FRMD7: variants seen among roughly 807,000 people sequenced by gnomAD.
FRMD7 encodes the protein FERM domain containing 7.
Under a neutral mutation model 44.1 loss-of-function variants are expected in FRMD7, and 14 were observed. The ratio of observed to expected loss-of-function variants is 0.32; its 90% CI spans 0.21 to 0.50. The LOEUF (loss-of-function observed/expected upper bound fraction) is 0.50, where lower values mean the gene tolerates loss of function less well. Ranked by LOEUF, FRMD7 falls within the 20% of genes least tolerant of loss-of-function variation. The pLI is 0.99. For missense variants in FRMD7, 501 were observed against 522.3 expected (o/e 0.96, Z 0.40); for synonymous variants, 212 against 187.4 (o/e 1.13, Z -1.07).
At position 132,080,991 on chromosome X, in the gene FRMD7, T is replaced by C. The variant is rs189052912; in HGVS notation, c.906-725A>G. On this transcript the variant is annotated intron_variant, in intron 9 of 11. Transcript: ENST00000298542. ...AGGATTGTTCTAGTTAGGCATACAC[T>C]AACAAAGAAAGTCAGATCACAGCCG... 6.1e-3 allele frequency among the ~76,000 whole-genome samples: 667 copies of C among 108,768 alleles called. 5 individuals are homozygous for C. The highest frequency in any genetic ancestry group is 0.021 in the African/African-American group (629 of 29,652). The allele number at this position is 108,768 out of a possible 115,157, so 94.5% of individuals were successfully genotyped here.
intron 11 of FRMD7, among the ~76,000 whole-genome samples, chrX:132,079,788 TTCTCTCCAG>T (rs1927747668): frequency 8.9e-6 from 1 of 111,905 alleles, no homozygotes; most frequent in African/African-American, 3.3e-5. Context: ...GATGTGCCAG[TTCTCTCCAG>T]TCTATAAGGT....
chrX:132,100,531 A>G, intron 2 of FRMD7, 81 bp downstream of exon 2: 2 of 654,887 alleles, frequency 3.1e-6, no homozygotes, highest in South Asian at 2.2e-5. Context: ...CAATCAGGGA[A>G]TTGAACCCTA....
At position 132,080,017 on chromosome X, in the gene FRMD7, C is replaced by T; in HGVS notation, c.1039G>A (p.Val347Met). 1 of 1,182,430 alleles carries T rather than the reference C, an allele frequency of 8.5e-7. No homozygotes were observed. The highest frequency in any genetic ancestry group is 1.8e-5 in the South Asian group (1 of 56,310). ...TTCAGAAACCTTACTTGTTTTGACACATCAGAGAGGAGGTCTGGTGAGGAC... is the reference window on the plus strand; with the variant it reads ...TTCAGAAACCTTACTTGTTTTGACATATCAGAGAGGAGGTCTGGTGAGGAC... Reference protein sequence around the residue: ...CRSSPDLLSDVSKQVEDLRLA... With the variant: ...CRSSPDLLSDMSKQVEDLRLA... The change falls in exon 11 of 12, where the codon GTG becomes ATG. Residue 347 changes from valine to methionine, a missense_variant. Val to Met is a conservative substitution (Grantham distance 21, BLOSUM62 1). Coordinates refer to ENST00000298542, the MANE Select transcript of FRMD7 (RefSeq NM_194277.3).
rs753221288 is a variant in FRMD7, at chrX:132,084,562, A to G, written c.669T>C (p.Phe223=). Residue 223 remains phenylalanine, a synonymous_variant, in exon 8 of 12, where the codon TTT becomes TTC. Transcript: ENST00000298542. ...VLRGNTKINT[F]NWAKIRKLSF... The stretch of plus-strand genomic sequence containing the variant: ...TCAACTTGCGGATTTTAGCCCAGTT[A>G]AAAGTATTGATCTTTGTATTTCCCT... The G allele has an allele frequency of 8.7e-7, 1 of 1,155,981 alleles. No individual in the cohort carries two copies. The highest frequency in any genetic ancestry group is 2.2e-5 in the Admixed American group (1 of 46,003).
intron 5 of FRMD7, among the ~76,000 whole-genome samples, chrX:132,087,679 G>A (rs1315612485): frequency 9.0e-6 from 1 of 111,251 alleles, no homozygotes; most frequent in Non-Finnish European, 1.9e-5. Flanking sequence ...TAGAGGAGTA[G>A]ATACTTAGCA....
At chrX:132,113,438 G>T (rs367689391) in intron 1 of FRMD7, among the ~76,000 whole-genome samples, 102 of 111,362 alleles carry the variant, frequency 9.2e-4, no homozygotes, top group African/African-American at 3.0e-3. Flanking sequence ...TCTTTCAGCA[G>T]GTTAATGGCA....
intron 7 of FRMD7, 111 bp downstream of exon 7, chrX:132,085,470 G>A: frequency 1.6e-6 from 1 of 632,159 alleles, no homozygotes; most frequent in African/African-American, 2.2e-5. Context: ...TCCCTTTCTG[G>A]CTGGTGATAA....
intron 4 of FRMD7, among the ~76,000 whole-genome samples, chrX:132,095,956 A>T (rs1392369296): frequency 1.8e-5 from 2 of 112,507 alleles, no homozygotes; most frequent in East Asian, 5.5e-4. Flanking sequence ...GCCTGCTACA[A>T]ATACCAAATC....
At position 132,078,583 on chromosome X, in the gene FRMD7, C is replaced by T. The variant is rs1231167389; in HGVS notation, c.1434G>A (p.Val478=). 1 of 1,211,292 alleles carries T rather than the reference C, an allele frequency of 8.3e-7. No individual in the cohort carries two copies. The highest frequency in any genetic ancestry group is 2.2e-5 in the Admixed American group (1 of 46,028). Residue 478 remains valine, a synonymous_variant, in exon 12 of 12, where the codon GTG becomes GTA. Coordinates refer to ENST00000298542, the MANE Select transcript of FRMD7 (RefSeq NM_194277.3). ...GCTGACCTGTACAAGGAATATAGGGCACATCCGTGTAAGTTAGCTGCTTTG... is the reference window on the plus strand; with the variant it reads ...GCTGACCTGTACAAGGAATATAGGGTACATCCGTGTAAGTTAGCTGCTTTG... ...RPAKQLTYTD[V]PYIPCTGQQV...
intron 9 of FRMD7, 140 bp downstream of exon 9, chrX:132,082,223 A>G (rs1213441226): frequency 6.7e-6 from 4 of 593,402 alleles, no homozygotes; most frequent in African/African-American, 2.2e-5. Context: ...TCATACAGAG[A>G]ATGAGCAGGA....
intron 1 of FRMD7, among the ~76,000 whole-genome samples, chrX:132,117,347 T>C (rs1025625956): frequency 2.7e-5 from 3 of 111,919 alleles, no homozygotes; most frequent in Non-Finnish European, 5.6e-5. Flanking sequence ...GTGGATCATG[T>C]ACAGCAACTG....
At chrX:132,105,028 G>T (rs1928609287) in intron 1 of FRMD7, among the ~76,000 whole-genome samples, 1 of 112,053 alleles carries the variant, frequency 8.9e-6, no homozygotes. Context: ...ATTAGTTTTG[G>T]ATATGACAGC....
intron 8 of FRMD7, among the ~76,000 whole-genome samples, chrX:132,083,097 T>C (rs1396779589): frequency 4.5e-5 from 5 of 111,449 alleles, no homozygotes; most frequent in Non-Finnish European, 9.4e-5. Flanking sequence ...ACTACAGGCA[T>C]GTGCCACCAT....
intron 1 of FRMD7, among the ~76,000 whole-genome samples, chrX:132,120,031 G>A (rs2124024055): frequency 9.0e-6 from 1 of 111,428 alleles, no homozygotes; most frequent in African/African-American, 3.3e-5. Flanking sequence ...GGCTCTTTTA[G>A]GAAATGACTG....
rs1303098539 is a variant in FRMD7, at chrX:132,077,846, T to C, written c.*26A>G. On this transcript the variant is annotated 3_prime_UTR_variant, in exon 12 of 12. Coordinates refer to ENST00000298542, the MANE Select transcript of FRMD7 (RefSeq NM_194277.3). The stretch of plus-strand genomic sequence containing the variant: ...CCTAAGTCGGTAACATGGAACTGGC[T>C]CAGAAATGTCCATAGGTTCACACTT... The C allele has an allele frequency of 2.0e-5, 24 of 1,209,509 alleles. No individual in the cohort carries two copies. The highest frequency in any genetic ancestry group is 2.3e-5 in the Non-Finnish European group (21 of 894,602).
intron 1 of FRMD7, among the ~76,000 whole-genome samples, chrX:132,116,713 G>A (rs73237350): frequency 0.012 from 1,345 of 111,661 alleles, 9 homozygotes; most frequent in Middle Eastern, 0.068. Flanking sequence ...GTTAATGCAT[G>A]TGGGGCTTAA....
chrX:132,108,877 G>A (rs1928710164), intron 1 of FRMD7, among the ~76,000 whole-genome samples: 1 of 111,161 alleles, frequency 9.0e-6, no homozygotes, highest in Non-Finnish European at 1.9e-5. Flanking sequence ...GCCCTGTGAA[G>A]AGGTGCCCGT....
In FRMD7 at chrX:132,084,591, A is replaced by G. The variant is rs915486972; in HGVS notation, c.646-6T>C. 10 of 1,059,802 alleles carry G rather than the reference A, an allele frequency of 9.4e-6. No homozygotes were observed. Among genetic ancestry groups the G allele is most frequent in the South Asian group, 3.7e-5 (2 of 53,499 alleles). The allele number at this position is 1,059,802 out of a possible 1,213,427, so 87.3% of individuals were successfully genotyped here. On this transcript the variant is annotated splice_polypyrimidine_tract_variant and splice_region_variant and intron_variant, in intron 7 of 11. Coordinates refer to ENST00000298542, the MANE Select transcript of FRMD7 (RefSeq NM_194277.3). ...GTATTGATCTTTGTATTTCCCTACA[A>G]TGAAAAATGTGGCAGATTTCAGAAT... is the stretch of plus-strand genomic sequence containing the variant.
chrX:132,096,416 G>A (rs1186296637), intron 4 of FRMD7, among the ~76,000 whole-genome samples: 1 of 110,326 alleles, frequency 9.1e-6, no homozygotes, highest in Admixed American at 9.7e-5. Flanking sequence ...CCTCTTTCAC[G>A]TATAGGAGTC....
Sources: gnomAD v4.1 joint callset for allele counts (sites outside exome capture counted in the v4.1 genomes callset) on GRCh38, gnomAD v4.1.1 for gene constraint, MANE v1.5 for transcripts, NCBI Gene and HGNC (gene_info 2026-07-23, HGNC 2026-07-21) for gene names.